The following PCDH15 variants were observed in gnomAD, a reference collection of about 807,000 sequenced individuals.
PCDH15 encodes protocadherin related 15.
In PCDH15, 129 loss-of-function variants were observed where a neutral mutation model predicts 178.5. The ratio of observed to expected loss-of-function variants is 0.72; its 90% CI spans 0.63 to 0.84. PCDH15 has a LOEUF of 0.84. PCDH15 is among the 40% of genes least tolerant of loss of function. PCDH15 has a pLI of 0.00. For synonymous variants in PCDH15, 800 were observed against 732.0 expected, an observed-to-expected ratio of 1.09 and a Z score of -1.50; for missense variants, 2,230 against 2,099.9, an observed-to-expected ratio of 1.06 and a Z score of -1.21.
At chr10:54,542,065 T>C (rs1342478338) in intron 2 of PCDH15, among the ~76,000 whole-genome samples, 1 of 152,198 alleles carries the variant, frequency 6.6e-6, no homozygotes, top group Non-Finnish European at 1.5e-5. Context: ...AAAGAACATA[T>C]CCATGTAAAT....
intron 2 of PCDH15, among the ~76,000 whole-genome samples, chr10:55,105,535 C>T (rs931519382): frequency 4.6e-5 from 7 of 151,892 alleles, no homozygotes; most frequent in Admixed American, 2.0e-4. Flanking sequence ...TTTTTAAGCC[C>T]GATATTTTAC....
At chr10:54,465,993 G>C (rs1930169) in intron 3 of PCDH15, among the ~76,000 whole-genome samples, 33,699 of 151,840 alleles carry the variant, frequency 0.22, 4,224 homozygotes, top group Admixed American at 0.38. Context: ...ATGATGATTA[G>C]TGATATTGAA....
At position 53,880,683 on chromosome 10, in the gene PCDH15, T is replaced by G. The variant is rs550053941; in HGVS notation, c.3502-13826A>C. ...AATTCAATTTATAAATGTTTTACCT[T>G]GGAAAATAAATTTATAATTTTCAAA... On this transcript the variant is annotated intron_variant, in intron 26 of 37. Coordinates refer to ENST00000644397, the MANE Select transcript of PCDH15 (RefSeq NM_001384140.1). Among the ~76,000 whole-genome samples the G allele has an allele frequency of 3.3e-5, 5 of 152,308 alleles. No homozygotes were observed. In the South Asian group the frequency reaches 1.0e-3, roughly 32 times the overall value.
At chr10:55,267,507 CT>C (rs1842331030) in intron 1 of PCDH15, among the ~76,000 whole-genome samples, 2 of 152,150 alleles carry the variant, frequency 1.3e-5, no homozygotes, top group Admixed American at 1.3e-4. Context: ...TTTTTATCAA[CT>C]TTTTATTTCA....
At chr10:54,022,039 C>A (rs1192659615) in intron 19 of PCDH15, among the ~76,000 whole-genome samples, 1 of 151,600 alleles carries the variant, frequency 6.6e-6, no homozygotes, top group Non-Finnish European at 1.5e-5. Context: ...TTGCTGAGTT[C>A]AATTATGGAA....
At chr10:53,918,713 A>AACACAC (rs5741702) in intron 25 of PCDH15, among the ~76,000 whole-genome samples, 6 of 147,076 alleles carry the variant, frequency 4.1e-5, no homozygotes, top group Non-Finnish European at 7.6e-5. Flanking sequence ...CAAATACACA[A>AACACAC]ACACACACAC....
Position 54,580,493 on chromosome 10 carries a change from T to C in PCDH15, c.92-52616A>G, listed in dbSNP as rs139074273. Among the ~76,000 whole-genome samples, 227 of 152,112 alleles carry C rather than the reference T, an allele frequency of 1.5e-3. 3 individuals carry two copies. The highest frequency in any genetic ancestry group is 4.5e-3 in the African/African-American group (186 of 41,548). The stretch of plus-strand genomic sequence containing the variant: ...ACTAATGTCCCTGACCAGGTGGACA[T>C]AATTCACAGCCAAATTATAGCAGAA... On this transcript the variant is annotated intron_variant, in intron 2 of 37. Transcript: ENST00000644397.
chr10:54,956,347 A>G (rs1838486639), intron 2 of PCDH15, among the ~76,000 whole-genome samples: 1 of 151,574 alleles, frequency 6.6e-6, no homozygotes, highest in Admixed American at 6.6e-5. Context: ...AGTTATATAA[A>G]CTAATGATTT....
chr10:53,886,492 A>G (rs1021879206), intron 26 of PCDH15, among the ~76,000 whole-genome samples: 1 of 152,032 alleles, frequency 6.6e-6, no homozygotes, highest in Admixed American at 6.6e-5. Flanking sequence ...GTTAAACTTT[A>G]ATCAACATTG....
intron 2 of PCDH15, among the ~76,000 whole-genome samples, chr10:55,428,192 G>T (rs1036427434): frequency 2.0e-5 from 3 of 151,894 alleles, no homozygotes; most frequent in Non-Finnish European, 4.4e-5. Flanking sequence ...ATATATTAAT[G>T]TGTTGTTAAA....
intron 1 of PCDH15, among the ~76,000 whole-genome samples, chr10:55,214,763 CACTAT>C (rs1840658943): frequency 6.6e-6 from 1 of 152,000 alleles, no homozygotes. Context: ...AGGTACATAC[CACTAT>C]GCTTGGCTTT....
At chr10:53,902,443 G>A (rs2082393923) in intron 26 of PCDH15, among the ~76,000 whole-genome samples, 1 of 152,080 alleles carries the variant, frequency 6.6e-6, no homozygotes, top group African/African-American at 2.4e-5. Flanking sequence ...TAGGTTTTAT[G>A]TGCAATTTAC....
chr10:55,499,443 A>G, intron 2 of PCDH15, among the ~76,000 whole-genome samples: 1 of 150,834 alleles, frequency 6.6e-6, no homozygotes, highest in South Asian at 2.1e-4. Context: ...ACACACACAC[A>G]CACACACACA....
chr10:53,909,632 T>A (rs1336743783), intron 25 of PCDH15, among the ~76,000 whole-genome samples: 1 of 152,154 alleles, frequency 6.6e-6, no homozygotes, highest in Non-Finnish European at 1.5e-5. Flanking sequence ...CTGAGGTACC[T>A]AATTCATCTC....
Position 55,547,893 on chromosome 10 carries a change from GTGTC to G in PCDH15, c.-156+79728_-156+79731del, listed in dbSNP as rs1299876372. 4.3e-3 allele frequency among the ~76,000 whole-genome samples: 499 copies of G among 117,174 alleles called. 10 individuals carry two copies. The highest frequency in any genetic ancestry group is 0.019 in the African/African-American group (486 of 25,444). 76.9% of individuals were successfully genotyped at this position (117,174 alleles called of 152,430 possible). On this transcript the variant is annotated intron_variant, in intron 2 of 5. Coordinates refer to the PCDH15 transcript ENST00000613346. ...CTAACAATGCAGGGAGGTGGTGTGT[GTGTC>G]TGTGTGTGTGTGTGAGAGAGAGAGA...
In PCDH15 at chr10:55,209,833, C is replaced by T. The variant is rs572670596; in HGVS notation, c.-155-43182G>A. Among the ~76,000 whole-genome samples the T allele has an allele frequency of 3.5e-4, 53 of 152,038 alleles. 1 individual carries two copies. Among genetic ancestry groups the T allele is most frequent in the Non-Finnish European group, 6.8e-4 (46 of 67,990 alleles). On this transcript the variant is annotated intron_variant, in intron 1 of 5. Transcript: ENST00000458638. ...GATATAAGCACTATGCTCAAAAAAG[C>T]GATCCATGCTAAAGATTTGTATGTG...
At position 55,107,262 on chromosome 10, in the gene PCDH15, T is replaced by C. The variant is rs564087813; in HGVS notation, c.-80+59314A>G. Reference sequence around the variant, plus strand: ...TAATTACCAGTGTTGTTTCCTCCAATGACATACATTTCAAGCTGCAGTCTG... The same window carrying C: ...TAATTACCAGTGTTGTTTCCTCCAACGACATACATTTCAAGCTGCAGTCTG... On this transcript the variant is annotated intron_variant, in intron 2 of 5. Transcript: ENST00000458638. Among the ~76,000 whole-genome samples, 4 of 152,278 alleles carry C rather than the reference T, an allele frequency of 2.6e-5. No homozygotes were observed. In the East Asian group the frequency reaches 7.7e-4, roughly 29 times the overall value.
chr10:54,665,915 A>G (rs2094563770), intron 1 of PCDH15, among the ~76,000 whole-genome samples: 1 of 152,174 alleles, frequency 6.6e-6, no homozygotes, highest in South Asian at 2.1e-4. Flanking sequence ...AAATTGACCA[A>G]TGCTACTGGT....
chr10:55,403,321 T>C (rs952560045), intron 2 of PCDH15, among the ~76,000 whole-genome samples: 1 of 151,900 alleles, frequency 6.6e-6, no homozygotes, highest in African/African-American at 2.4e-5. Flanking sequence ...ATGTTACATG[T>C]GGTCTCTTCA....
Sources: gnomAD v4.1 joint callset for allele counts (sites outside exome capture counted in the v4.1 genomes callset) on GRCh38, gnomAD v4.1.1 for gene constraint, MANE v1.5 for transcripts, NCBI Gene and HGNC (gene_info 2026-07-23, HGNC 2026-07-21) for gene names.